PRELID2: variants seen among roughly 807,000 people sequenced by gnomAD.
PRELID2 encodes the protein PRELI domain containing 2.
PRELID2 carries 25 observed loss-of-function variants against 28.4 expected under a neutral mutation model. The ratio of observed to expected loss-of-function variants is 0.88; its 90% CI spans 0.64 to 1.23. PRELID2 has a LOEUF of 1.23. PRELID2 is among the 50% of genes most tolerant of loss of function. The pLI, the probability that PRELID2 is intolerant of heterozygous loss-of-function variation, is 0.00. For synonymous variants in PRELID2, 76 were observed against 71.6 expected (o/e 1.06, Z -0.31); for missense variants, 201 against 214.4 (o/e 0.94, Z 0.39).
At chr5:145,251,391 T>C in the PRELID2 span, among the ~76,000 whole-genome samples, 1 of 152,112 alleles carries the variant, frequency 6.6e-6, no homozygotes, top group Non-Finnish European at 1.5e-5. Context: ...CAAGTTGCTG[T>C]TAGAATATAT....
chr5:145,279,444 G>A, the PRELID2 span, among the ~76,000 whole-genome samples: 714 of 152,232 alleles, frequency 4.7e-3, 7 homozygotes, highest in African/African-American at 0.016. Context: ...TTTTAGGCCA[G>A]CTTCTTAACC....
At chr5:145,492,242 T>C (rs1425672349) in intron 1 of PRELID2, among the ~76,000 whole-genome samples, 6 of 152,194 alleles carry the variant, frequency 3.9e-5, no homozygotes, top group Admixed American at 1.3e-4. Context: ...TGGTATCTCA[T>C]TGTAGTTTTG....
the PRELID2 span, among the ~76,000 whole-genome samples, chr5:145,249,664 T>C: frequency 6.6e-6 from 1 of 152,168 alleles, no homozygotes; most frequent in African/African-American, 2.4e-5. Context: ...TCCTTCAACA[T>C]TATTTTAAAG....
chr5:145,346,541 G>C, the PRELID2 span, among the ~76,000 whole-genome samples: 1 of 152,138 alleles, frequency 6.6e-6, no homozygotes, highest in Non-Finnish European at 1.5e-5. Context: ...TAACAGGGCT[G>C]TTCCATTTTA....
chr5:145,488,879 G>A (rs1159011792), intron 1 of PRELID2, among the ~76,000 whole-genome samples: 1 of 152,036 alleles, frequency 6.6e-6, no homozygotes, highest in Non-Finnish European at 1.5e-5. Flanking sequence ...AAACCTGTTT[G>A]TTTTCAGAAT....
chr5:145,609,269 C>A (rs990710147), intron 1 of PRELID2, among the ~76,000 whole-genome samples: 1 of 152,170 alleles, frequency 6.6e-6, no homozygotes, highest in African/African-American at 2.4e-5. Flanking sequence ...GACAATTCAG[C>A]CATTTCAGAC....
At chr5:145,670,678 C>T (rs764428258) in intron 1 of PRELID2, among the ~76,000 whole-genome samples, 2 of 152,136 alleles carry the variant, frequency 1.3e-5, no homozygotes, top group Non-Finnish European at 2.9e-5. Flanking sequence ...TCCACCTAAG[C>T]AGATTCACAT....
At chr5:145,573,035 G>A (rs998925966) in intron 1 of PRELID2, among the ~76,000 whole-genome samples, 1 of 152,038 alleles carries the variant, frequency 6.6e-6, no homozygotes, top group East Asian at 1.9e-4. Context: ...CCCTCCCTTA[G>A]GCAATAGGAT....
At chr5:145,621,992 A>G (rs1753780701) in intron 1 of PRELID2, among the ~76,000 whole-genome samples, 1 of 152,178 alleles carries the variant, frequency 6.6e-6, no homozygotes, top group Admixed American at 6.5e-5. Context: ...GTAAAACAAA[A>G]AGAAAAAAAA....
intron 1 of PRELID2, chr5:145,834,776 C>T (rs6896600): frequency 0.065 from 11,229 of 171,726 alleles, 1,314 homozygotes; most frequent in African/African-American, 0.25. Flanking sequence ...TAAGGAGCAG[C>T]GGATGGGGCA....
intron 1 of PRELID2, among the ~76,000 whole-genome samples, chr5:145,707,937 C>A (rs1755591567): frequency 6.6e-6 from 1 of 152,118 alleles, no homozygotes; most frequent in Non-Finnish European, 1.5e-5. Flanking sequence ...CACAATCTTG[C>A]CTTGTTCAAA....
intron 1 of PRELID2, among the ~76,000 whole-genome samples, chr5:145,686,698 T>G (rs1489821991): frequency 6.6e-6 from 1 of 152,216 alleles, no homozygotes; most frequent in Admixed American, 6.5e-5. Context: ...GAGCACCAAT[T>G]ACTTGCCCTT....
chr5:145,743,812 G>A (rs374615970), intron 1 of PRELID2, among the ~76,000 whole-genome samples: 2 of 152,220 alleles, frequency 1.3e-5, no homozygotes, highest in African/African-American at 4.8e-5. Context: ...CAGCTCCCAG[G>A]GGGAGGGACA....
At chr5:145,335,144 T>C in the PRELID2 span, among the ~76,000 whole-genome samples, 1 of 152,012 alleles carries the variant, frequency 6.6e-6, no homozygotes, top group Non-Finnish European at 1.5e-5. Context: ...CCATAAACTG[T>C]CTTCACCTTC....
the PRELID2 span, among the ~76,000 whole-genome samples, chr5:145,246,723 C>T: frequency 6.6e-6 from 1 of 152,066 alleles, no homozygotes; most frequent in Non-Finnish European, 1.5e-5. Flanking sequence ...ACTGCCTTTG[C>T]AAAAATGATA....
intron 1 of PRELID2, among the ~76,000 whole-genome samples, chr5:145,720,729 C>T (rs972538208): frequency 7.3e-5 from 11 of 150,248 alleles, no homozygotes; most frequent in Non-Finnish European, 1.2e-4. Context: ...GAAATAGAGA[C>T]AAAGGTAGAA....
chr5:145,680,504 C>T (rs1444557669), intron 1 of PRELID2, among the ~76,000 whole-genome samples: 1 of 152,136 alleles, frequency 6.6e-6, no homozygotes, highest in Non-Finnish European at 1.5e-5. Context: ...CTTTTGTTAG[C>T]TCAAACTGAG....
the PRELID2 span, among the ~76,000 whole-genome samples, chr5:145,430,440 G>A: frequency 7.9e-5 from 12 of 152,190 alleles, no homozygotes; most frequent in East Asian, 1.9e-4. Context: ...TGAGGCAAGC[G>A]GCACCTTCAT....
intron 1 of PRELID2, among the ~76,000 whole-genome samples, chr5:145,728,160 G>A (rs1486645638): frequency 2.0e-5 from 3 of 152,036 alleles, no homozygotes; most frequent in South Asian, 2.1e-4. Flanking sequence ...AGCACTGACC[G>A]TATATTGCTA....
Sources: gnomAD v4.1 joint callset for allele counts (sites outside exome capture counted in the v4.1 genomes callset) on GRCh38, gnomAD v4.1.1 for gene constraint, MANE v1.5 for transcripts, NCBI Gene and HGNC (gene_info 2026-07-23, HGNC 2026-07-21) for gene names.